NPEPL1: variants seen among roughly 807,000 people sequenced by gnomAD.
NPEPL1 encodes aminopeptidase like 1.
In NPEPL1, 45 loss-of-function variants were observed where a neutral mutation model predicts 52.4. That is an observed-to-expected ratio of 0.86 (90% confidence interval 0.68 to 1.10). NPEPL1 has a LOEUF of 1.10. Among genes scored for constraint, NPEPL1 ranks in the 50% least tolerant of loss-of-function variants. The pLI is 0.00. For synonymous variants in NPEPL1, 360 were observed against 314.7 expected, an observed-to-expected ratio of 1.14 and a Z score of -1.52; for missense variants, 696 against 710.9, an observed-to-expected ratio of 0.98 and a Z score of 0.24.
chr20:58,714,497 G>A (rs2084916791), intron 10 of NPEPL1, 63 bp from the exon 11 acceptor site: 3 of 1,220,030 alleles, frequency 2.5e-6, no homozygotes, highest in Non-Finnish European at 3.4e-6. Context: ...CAGGCGATGG[G>A]GCAGGGTGGA....
intron 7 of NPEPL1, chr20:58,711,086 C>T (rs1467260426): frequency 9.6e-6 from 1 of 104,322 alleles, no homozygotes; most frequent in Non-Finnish European, 1.8e-5. Flanking sequence ...TCCCCCCCCG[C>T]CTCCTCTCCT....
At chr20:58,700,531 ACT>A (rs2084593190) in intron 5 of NPEPL1, among the ~76,000 whole-genome samples, 2 of 152,106 alleles carry the variant, frequency 1.3e-5, no homozygotes, top group African/African-American at 4.8e-5. Flanking sequence ...TGAGCCATAG[ACT>A]CTGCACACGC....
Position 58,713,877 on chromosome 20 carries a change from C to T in NPEPL1, c.1126-40C>T. 1 of 1,422,148 alleles carries T rather than the reference C, an allele frequency of 7.0e-7. No homozygotes were observed. Among genetic ancestry groups the T allele is most frequent in the Middle Eastern group, 2.5e-4 (1 of 3,924 alleles). The allele number at this position is 1,422,148 out of a possible 1,614,324, so 88.1% of individuals were successfully genotyped here. ...TTTTGCCTTGGGTGTTTCTCTCCTG[C>T]CGTCCCGTCCACACGCTTCCCGGGT... On this transcript the variant is annotated intron_variant, in intron 9 of 11. Transcript: ENST00000356091. This position sits in a 1 kb window ranked among gnomAD's most constrained non-coding sequence, Gnocchi z 4.6.
intron 3 of NPEPL1, among the ~76,000 whole-genome samples, chr20:58,695,856 G>A (rs553962134): frequency 7.9e-5 from 12 of 152,120 alleles, no homozygotes; most frequent in African/African-American, 1.4e-4. Flanking sequence ...TCCTGACATT[G>A]TTTTCTAAGG....
At chr20:58,689,161 G>C (rs975064281), upstream of NPEPL1, 1 of 152,278 alleles carries the variant, frequency 6.6e-6, no homozygotes, top group Non-Finnish European at 1.5e-5. Context: ...GCCTGCCTGA[G>C]GCACTTCCAC....
intron 7 of NPEPL1, among the ~76,000 whole-genome samples, chr20:58,707,907 C>T (rs1270358853): frequency 6.6e-6 from 1 of 152,142 alleles, no homozygotes; most frequent in East Asian, 1.9e-4. Flanking sequence ...TGCAAGACCC[C>T]GTTTCTATAA....
chr20:58,714,128 A>T, intron 10 of NPEPL1, 35 bp downstream of exon 10: 1 of 1,520,508 alleles, frequency 6.6e-7, no homozygotes, highest in Non-Finnish European at 8.8e-7. Flanking sequence ...AGCCTGCCAC[A>T]TGGGTGGAGC....
At chr20:58,707,758 C>T (rs1426892969) in intron 7 of NPEPL1, among the ~76,000 whole-genome samples, 1 of 152,056 alleles carries the variant, frequency 6.6e-6, no homozygotes, top group African/African-American at 2.4e-5. Flanking sequence ...CCCATGGAGC[C>T]CAGATGTCCC....
chr20:58,712,801 A>T lies in NPEPL1; in HGVS notation c.1001+222A>T, dbSNP rs899539306. On this transcript the variant is annotated intron_variant, in intron 8 of 11. Coordinates refer to ENST00000356091, the MANE Select transcript of NPEPL1 (RefSeq NM_024663.4). Reference sequence around the variant, plus strand: ...TGGATGAGGTGCTAGGCTCCCGTGCAGTGCCTGGCCCAGGAGCTCGTGGTC... The same window carrying T: ...TGGATGAGGTGCTAGGCTCCCGTGCTGTGCCTGGCCCAGGAGCTCGTGGTC... 3 of 657,352 alleles carry T rather than the reference A, an allele frequency of 4.6e-6. No individual in the cohort carries two copies. In the Admixed American group the frequency reaches 6.2e-5, roughly 14 times the overall value. 40.7% of individuals were successfully genotyped at this position (657,352 alleles called of 1,614,324 possible).
At chr20:58,697,385 T>C (rs571945785) in intron 3 of NPEPL1, among the ~76,000 whole-genome samples, 68 of 152,210 alleles carry the variant, frequency 4.5e-4, no homozygotes, top group Non-Finnish European at 8.8e-4. Context: ...ACAGTCCTTG[T>C]CGAGTCCCCA....
chr20:58,712,517 T>C lies in NPEPL1; in HGVS notation c.939T>C (p.Ala313=). The stretch of plus-strand genomic sequence containing the variant: ...ACCTCCACGCTGTGTTCTGCTTGGC[T>C]GAGAACTCGGTGGGGCCCAATGCGA... ...KDNLHAVFCL[A]ENSVGPNATR... The change falls in exon 8 of 12, where the codon GCT becomes GCC. Residue 313 remains alanine (A), a synonymous_variant. Transcript: ENST00000356091. 6.2e-7 allele frequency: 1 copy of C among 1,613,594 alleles called. No individual in the cohort carries two copies. The highest frequency in any genetic ancestry group is 1.1e-5 in the South Asian group (1 of 91,048).
intron 3 of NPEPL1, 55 bp from the exon 4 acceptor site, chr20:58,698,629 A>G: frequency 7.1e-7 from 1 of 1,401,622 alleles, no homozygotes; most frequent in Non-Finnish European, 1.0e-6. Context: ...GGGATGGACA[A>G]GGGGAGAACA....
intron 6 of NPEPL1, chr20:58,703,491 G>T: frequency 1.0e-6 from 1 of 984,840 alleles, no homozygotes; most frequent in South Asian, 4.7e-5. Context: ...AATACCCACG[G>T]TCACCCTGGA....
chr20:58,699,667 TA>T (rs1334837066), intron 5 of NPEPL1, among the ~76,000 whole-genome samples: 10 of 152,190 alleles, frequency 6.6e-5, no homozygotes, highest in Admixed American at 3.3e-4. Flanking sequence ...CTATCTGGAA[TA>T]CTTTCCCCCA....
chr20:58,694,005 C>T, intron 2 of NPEPL1, 83 bp downstream of exon 2: 1 of 1,327,568 alleles, frequency 7.5e-7, no homozygotes, highest in Non-Finnish European at 1.0e-6. Context: ...CAGCCCTGCT[C>T]AGACTGCAGC....
At chr20:58,711,816 G>A (rs979792475) in intron 7 of NPEPL1, among the ~76,000 whole-genome samples, 14 of 152,236 alleles carry the variant, frequency 9.2e-5, no homozygotes, top group Non-Finnish European at 1.0e-4. Flanking sequence ...CTGTGTGTCC[G>A]CGCTCTCGAG....
intron 3 of NPEPL1, among the ~76,000 whole-genome samples, chr20:58,695,089 TGG>T: frequency 6.9e-6 from 1 of 145,096 alleles, no homozygotes; most frequent in African/African-American, 2.5e-5. Context: ...GGTGTACGTG[TGG>T]TATGTGTTGC....
chr20:58,715,072 G>A (rs2084925905), intron 11 of NPEPL1, 96 bp from the exon 12 acceptor site: 2 of 1,334,550 alleles, frequency 1.5e-6, no homozygotes, highest in South Asian at 2.7e-5. Flanking sequence ...GGACTGTGGG[G>A]CACGTGGAGG....
At chr20:58,711,051 C>T (rs2084824546) in intron 7 of NPEPL1, 1 of 149,030 alleles carries the variant, frequency 6.7e-6, no homozygotes, top group Non-Finnish European at 1.5e-5. Context: ...ATTTGGGAAT[C>T]CTCCTCCTCC....
Sources: gnomAD v4.1 joint callset for allele counts (sites outside exome capture counted in the v4.1 genomes callset) on GRCh38, gnomAD v4.1.1 for gene constraint, Gnocchi (gnomAD v3.1) non-coding constraint, MANE v1.5 for transcripts, NCBI Gene and HGNC (gene_info 2026-07-23, HGNC 2026-07-21) for gene names.